STMN2: variants seen among roughly 807,000 people sequenced by gnomAD.
STMN2 encodes the protein stathmin 2, also known as stathmin-2.
STMN2 carries 2 observed loss-of-function variants against 24.1 expected under a neutral mutation model. The ratio of observed to expected loss-of-function variants is 0.08; its 90% CI spans 0.03 to 0.26. The LOEUF is 0.26. Among genes scored for constraint, STMN2 ranks in the 10% least tolerant of loss-of-function variants. STMN2 has a pLI of 1.00. For synonymous variants in STMN2, 83 were observed against 77.5 expected (o/e 1.07, Z -0.37); for missense variants, 114 against 213.6 (o/e 0.53, Z 2.91).
At chr8:79,613,736 C>T in intron 1 of STMN2, 1 of 985,384 alleles carries the variant, frequency 1.0e-6, no homozygotes, top group South Asian at 4.7e-5. Context: ...CCTAATTGCC[C>T]TCATCCCTTT....
intron 2 of STMN2, among the ~76,000 whole-genome samples, chr8:79,637,272 CA>C (rs1809986592): frequency 6.6e-6 from 1 of 152,130 alleles, no homozygotes; most frequent in Non-Finnish European, 1.5e-5. Context: ...GAGAAAGAAT[CA>C]ACAACCATAA....
At chr8:79,618,434 C>T (rs1347044145) in intron 1 of STMN2, among the ~76,000 whole-genome samples, 1 of 152,176 alleles carries the variant, frequency 6.6e-6, no homozygotes, top group African/African-American at 2.4e-5. Context: ...TTTCAAAATG[C>T]CTCCTTAACT....
chr8:79,622,941 TGACTGTGCACAATA>T (rs1242573742), intron 1 of STMN2, among the ~76,000 whole-genome samples: 4 of 152,200 alleles, frequency 2.6e-5, no homozygotes, highest in African/African-American at 9.6e-5. Context: ...CCGTATCACC[TGACTGTGCACAATA>T]TCTCATTGCC....
intron 4 of STMN2, among the ~76,000 whole-genome samples, chr8:79,661,064 C>T (rs1025454591): frequency 1.3e-5 from 2 of 152,090 alleles, no homozygotes; most frequent in Admixed American, 1.3e-4. Flanking sequence ...GGACACTTAA[C>T]ATTAGTTCCA....
intron 4 of STMN2, among the ~76,000 whole-genome samples, chr8:79,662,860 T>C (rs774269165): frequency 5.9e-5 from 9 of 152,132 alleles, no homozygotes; most frequent in African/African-American, 9.7e-5. Context: ...CTGGGCTTTT[T>C]CTCAATTTTT....
intron 1 of STMN2, among the ~76,000 whole-genome samples, chr8:79,615,995 A>C (rs1005024046): frequency 5.3e-5 from 8 of 152,250 alleles, no homozygotes; most frequent in Non-Finnish European, 1.2e-4. Context: ...AAATAAAGGA[A>C]TAAATTAAAG....
chr8:79,612,216 A>G (rs1293582205), intron 1 of STMN2, among the ~76,000 whole-genome samples: 2 of 151,998 alleles, frequency 1.3e-5, no homozygotes, highest in Non-Finnish European at 1.5e-5. Flanking sequence ...TCCAAGAGAG[A>G]CCTGACCACT....
At chr8:79,629,758 A>G (rs1183041606) in intron 1 of STMN2, among the ~76,000 whole-genome samples, 3 of 152,222 alleles carry the variant, frequency 2.0e-5, no homozygotes, top group Non-Finnish European at 4.4e-5. Flanking sequence ...CAATTTGTAC[A>G]CTACCCAGAT....
intron 3 of STMN2, among the ~76,000 whole-genome samples, chr8:79,651,320 T>G (rs1810330028): frequency 6.6e-6 from 1 of 152,226 alleles, no homozygotes; most frequent in South Asian, 2.1e-4. Context: ...ACCTATGCTG[T>G]GTAATCTCAT....
chr8:79,629,163 A>G (rs556305442), intron 1 of STMN2, among the ~76,000 whole-genome samples: 1 of 152,284 alleles, frequency 6.6e-6, no homozygotes, highest in South Asian at 2.1e-4. Context: ...CTCACCTCAC[A>G]GGCTCTGTTA....
chr8:79,613,649 T>C (rs1809305926), intron 1 of STMN2: 4 of 985,470 alleles, frequency 4.1e-6, no homozygotes, highest in African/African-American at 1.7e-5. Flanking sequence ...GTAGCCTTGT[T>C]TGTTCTCATT....
intron 2 of STMN2, among the ~76,000 whole-genome samples, chr8:79,637,430 A>G (rs1364006147): frequency 2.0e-5 from 3 of 152,212 alleles, no homozygotes; most frequent in East Asian, 1.9e-4. Context: ...AGAAAAGCCT[A>G]AAGAATTAGC....
intron 1 of STMN2, among the ~76,000 whole-genome samples, chr8:79,618,266 GAGAA>G (rs1213870712): frequency 6.6e-6 from 1 of 152,170 alleles, no homozygotes; most frequent in Non-Finnish European, 1.5e-5. Flanking sequence ...TAGGCTTTGG[GAGAA>G]AGAGAGCTAT....
chr8:79,636,709 G>A, intron 1 of STMN2, 93 bp from the exon 2 acceptor site: 1 of 1,160,302 alleles, frequency 8.6e-7, no homozygotes, highest in Non-Finnish European at 1.3e-6. Context: ...TATTCACTCT[G>A]CAGGAGGCAA....
chr8:79,662,241 A>T (rs1450203487), intron 4 of STMN2, among the ~76,000 whole-genome samples: 1 of 152,076 alleles, frequency 6.6e-6, no homozygotes, highest in Non-Finnish European at 1.5e-5. Context: ...CTTTATATTG[A>T]TGGGAGGAAG....
At position 79,631,368 on chromosome 8, in the gene STMN2, G is replaced by C. The variant is rs150182296; in HGVS notation, c.20-5434G>C. 1.0e-3 allele frequency: 929 copies of C among 896,316 alleles called. 8 individuals carry two copies. The African/African-American group carries it at 0.016, about 15-fold the overall frequency. The allele number at this position is 896,316 out of a possible 1,614,324, so 55.5% of individuals were successfully genotyped here. On this transcript the variant is annotated intron_variant, in intron 1 of 4. Coordinates refer to ENST00000220876, the MANE Select transcript of STMN2 (RefSeq NM_007029.4). ...TCCCATAGAAAAACTATAATGCTTT[G>C]GTTGGTCAAAATATTAATCTTTCAA...
At chr8:79,614,670 T>C (rs1043903335) in intron 1 of STMN2, among the ~76,000 whole-genome samples, 2 of 152,226 alleles carry the variant, frequency 1.3e-5, no homozygotes, top group Non-Finnish European at 2.9e-5. Flanking sequence ...ATTTGTGCTA[T>C]TAAAATCTAC....
At chr8:79,633,653 T>A (rs575646754) in intron 1 of STMN2, among the ~76,000 whole-genome samples, 2 of 152,312 alleles carry the variant, frequency 1.3e-5, no homozygotes, top group Non-Finnish European at 2.9e-5. Context: ...AGCTCTCTGG[T>A]CTCTTCTTAT....
At chr8:79,624,967 T>A (rs1455927079) in intron 1 of STMN2, among the ~76,000 whole-genome samples, 1 of 151,116 alleles carries the variant, frequency 6.6e-6, no homozygotes, top group Non-Finnish European at 1.5e-5. Flanking sequence ...AAGTCACATG[T>A]CCCACGCACT....
Sources: allele counts gnomAD v4.1 joint callset (sites outside exome capture counted in the v4.1 genomes callset), GRCh38; gene constraint gnomAD v4.1.1; transcripts MANE v1.5; gene names NCBI Gene and HGNC (gene_info 2026-07-23, HGNC 2026-07-21).